ADNP2: variants seen among roughly 807,000 people sequenced by gnomAD.
ADNP2 encodes ADNP homeobox 2.
In ADNP2, 8 loss-of-function variants were observed where a neutral mutation model predicts 16.4. The observed-to-expected ratio is 0.49, with a 90% CI of 0.29 to 0.88. The LOEUF is 0.88. Among genes scored for constraint, ADNP2 ranks in the 40% least tolerant of loss-of-function variants. The pLI, the probability that ADNP2 is intolerant of heterozygous loss-of-function variation, is 0.09. For synonymous variants in ADNP2, 637 were observed against 545.8 expected, an observed-to-expected ratio of 1.17 and a Z score of -2.33; for missense variants, 1,397 against 1,395.1, an observed-to-expected ratio of 1.00 and a Z score of -0.02.
At position 80,138,496 on chromosome 18, in the gene ADNP2, G is replaced by A. The variant is rs1373162238; in HGVS notation, c.3083G>A (p.Gly1028Glu). The A allele has an allele frequency of 2.5e-6, 4 of 1,614,018 alleles. No homozygotes were observed. Among genetic ancestry groups the A allele is most frequent in the African/African-American group, 2.7e-5 (2 of 74,912 alleles). ...CAAAGGAATGAAAGCAGAACAGAGG[G>A]ACCTATTGTCAAGGACGAGGCTCTT... ...KRQRNESRTEGPIVKDEALQI... is the reference protein window; with the variant it reads ...KRQRNESRTEEPIVKDEALQI... The change falls in exon 4 of 4, where the codon GGA (glycine) becomes GAA (glutamate). Residue 1028 changes from glycine to glutamate, a missense_variant. By Grantham distance (98) the Gly-to-Glu change is moderately conservative (BLOSUM62 -2). This residue lies in a region of ADNP2 where 611 missense variants were observed against 648.7 expected (regional missense o/e 0.94). Transcript: ENST00000262198.
At chr18:80,123,012 T>C (rs954804610) in intron 2 of ADNP2, among the ~76,000 whole-genome samples, 2 of 152,038 alleles carry the variant, frequency 1.3e-5, no homozygotes, top group African/African-American at 4.8e-5. Flanking sequence ...ATTTTTTTTT[T>C]AATCATGAAA....
chr18:80,115,108 C>T (rs1156957856), intron 1 of ADNP2, among the ~76,000 whole-genome samples: 1 of 152,050 alleles, frequency 6.6e-6, no homozygotes, highest in African/African-American at 2.4e-5. Context: ...GTGTTAGGGC[C>T]GTATTGTAAG....
intron 2 of ADNP2, among the ~76,000 whole-genome samples, chr18:80,132,386 G>A (rs1009033008): frequency 3.3e-5 from 5 of 152,130 alleles, no homozygotes; most frequent in Non-Finnish European, 5.9e-5. Context: ...AGGTAAGTAG[G>A]AAGATGTGCA....
chr18:80,120,267 G>T (rs1362261254), intron 2 of ADNP2, among the ~76,000 whole-genome samples: 2 of 152,136 alleles, frequency 1.3e-5, no homozygotes, highest in Non-Finnish European at 2.9e-5. Flanking sequence ...AATCCCTTGA[G>T]CACAGGCTTT....
chr18:80,137,568 A>G lies in ADNP2; in HGVS notation c.2155A>G (p.Ser719Gly). 3.1e-6 allele frequency: 5 copies of G among 1,614,244 alleles called. No homozygotes were observed. Among genetic ancestry groups the G allele is most frequent in the Non-Finnish European group, 4.2e-6 (5 of 1,180,038 alleles). The change falls in exon 4 of 4, where the codon AGC (serine) becomes GGC (glycine). Residue 719 changes from serine (S) to glycine (G), a missense_variant. Ser to Gly is a moderately conservative substitution (Grantham distance 56, BLOSUM62 0). Coordinates refer to ENST00000262198, the MANE Select transcript of ADNP2 (RefSeq NM_014913.4). The surrounding 1 kb of genome is among the most constrained non-coding windows in gnomAD (Gnocchi z 4.2). ...QVHMEVAHKH[S>G]ESKSGEKLEP... ...CCACATGGAGGTAGCGCATAAGCAC[A>G]GCGAGTCCAAGTCTGGTGAGAAACT...
At chr18:80,127,346 T>TTTG (rs2052466582) in intron 2 of ADNP2, among the ~76,000 whole-genome samples, 1 of 150,006 alleles carries the variant, frequency 6.7e-6, no homozygotes, top group Non-Finnish European at 1.5e-5. Context: ...TCAGTTTTTT[T>TTTG]TTTTTTTTTT....
intron 2 of ADNP2, among the ~76,000 whole-genome samples, chr18:80,121,095 C>G (rs1197196380): frequency 2.0e-5 from 3 of 152,256 alleles, no homozygotes; most frequent in South Asian, 2.1e-4. Context: ...ACATTCCTAC[C>G]AGAAGTGTAC....
At chr18:80,134,267 G>A (rs149816340) in intron 3 of ADNP2, among the ~76,000 whole-genome samples, 5 of 152,126 alleles carry the variant, frequency 3.3e-5, no homozygotes, top group Non-Finnish European at 7.4e-5. Context: ...GCTGAGGCAG[G>A]AGAATCGCTT....
chr18:80,116,384 C>G (rs1599804675), intron 1 of ADNP2, among the ~76,000 whole-genome samples: 1 of 152,082 alleles, frequency 6.6e-6, no homozygotes, highest in South Asian at 2.1e-4. Flanking sequence ...ATGCTTTTCT[C>G]TTGAGTGGAA....
intron 2 of ADNP2, among the ~76,000 whole-genome samples, chr18:80,123,758 C>T (rs1307307910): frequency 6.7e-6 from 1 of 148,696 alleles, no homozygotes; most frequent in African/African-American, 2.5e-5. Flanking sequence ...GAGACAGAGT[C>T]TCGCTCTGTC....
rs754704869 is a variant in ADNP2 at position 80,137,030 on chromosome 18, T to A, written c.1617T>A (p.Asn539Lys). The A allele has an allele frequency of 1.2e-6, 2 of 1,614,154 alleles. No individual in the cohort carries two copies. The highest frequency in any genetic ancestry group is 1.7e-6 in the Non-Finnish European group (2 of 1,180,018). The change falls in exon 4 of 4, where the codon AAT becomes AAA. Residue 539 changes from asparagine to lysine, a missense_variant. Asn to Lys is a moderately conservative substitution (Grantham distance 94, BLOSUM62 0). Coordinates refer to ENST00000262198, the MANE Select transcript of ADNP2 (RefSeq NM_014913.4). The surrounding 1 kb of genome is among the most constrained non-coding windows in gnomAD (Gnocchi z 4.2). ...SAVVPVNQGV[N>K]SGVLQLSQPV... ...TTGTGCCTGTAAACCAGGGTGTGAA[T>A]TCTGGTGTTCTGCAGCTTAGTCAGC... is the stretch of plus-strand genomic sequence containing the variant.
At chr18:80,115,841 C>A (rs575290543) in intron 1 of ADNP2, among the ~76,000 whole-genome samples, 4 of 152,122 alleles carry the variant, frequency 2.6e-5, no homozygotes, top group African/African-American at 9.6e-5. Context: ...AGTGGCGCGA[C>A]CTCGGCTCAC....
Position 80,136,946 on chromosome 18 carries a change from A to C in ADNP2, c.1533A>C (p.Ala511=), listed in dbSNP as rs777000242. 3 of 1,613,752 alleles carry C rather than the reference A, an allele frequency of 1.9e-6. No individual in the cohort carries two copies. In the South Asian group the frequency reaches 3.3e-5, roughly 18 times the overall value. Residue 511 remains alanine (A), a synonymous_variant, in exon 4 of 4, where the codon GCA becomes GCC. Transcript: ENST00000262198. ...CAGCCCCATTGAGGGTTATCTCTGC[A>C]GGCCAGGTGGTCCCGTCTGGGCTTC... ...GQTAPLRVIS[A]GQVVPSGLLS... is the part of the protein sequence containing the mutation.
At chr18:80,121,441 A>G (rs2052424178) in intron 2 of ADNP2, among the ~76,000 whole-genome samples, 1 of 152,244 alleles carries the variant, frequency 6.6e-6, no homozygotes, top group Non-Finnish European at 1.5e-5. Flanking sequence ...TCTGGGTATT[A>G]AACCGTTATC....
chr18:80,135,870 A>G lies in ADNP2; in HGVS notation c.457A>G (p.Ile153Val), dbSNP rs763579878. The change falls in exon 4 of 4, where the codon ATA becomes GTA. Residue 153 changes from isoleucine to valine, a missense_variant. Physicochemically the swap from Ile to Val is conservative, Grantham distance 29. Transcript: ENST00000262198. Reference sequence around the variant, plus strand: ...AACTAAATCATCTAGGAGCGATGTGATAAGTTTCACATGTCTAAAATGTAA... The same window carrying G: ...AACTAAATCATCTAGGAGCGATGTGGTAAGTTTCACATGTCTAAAATGTAA... ...GETKSSRSDVISFTCLKCNFS... is the reference protein window; with the variant it reads ...GETKSSRSDVVSFTCLKCNFS... 1.2e-6 allele frequency: 2 copies of G among 1,614,128 alleles called. No individual in the cohort carries two copies. The highest frequency in any genetic ancestry group is 2.7e-5 in the African/African-American group (2 of 74,944).
At chr18:80,129,634 G>C (rs2052483530) in intron 2 of ADNP2, among the ~76,000 whole-genome samples, 1 of 152,072 alleles carries the variant, frequency 6.6e-6, no homozygotes, top group African/African-American at 2.4e-5. Flanking sequence ...GAAAGGCCCA[G>C]TTGATTCAAG....
rs1345900977 is a variant in ADNP2, at chr18:80,137,425, G to A, written c.2012G>A (p.Ser671Asn). Reference protein sequence around the residue: ...SPPVLVNAAQSVFVQASSSAA... With the variant: ...SPPVLVNAAQNVFVQASSSAA... ...CCAGTGCTGGTGAATGCTGCTCAGA[G>A]CGTGTTTGTTCAGGCCTCCTCCTCT... Residue 671 changes from serine (S) to asparagine (N), a missense_variant, in exon 4 of 4, where the codon AGC becomes AAC. Physicochemically the swap from Ser to Asn is conservative, Grantham distance 46. Coordinates refer to ENST00000262198, the MANE Select transcript of ADNP2 (RefSeq NM_014913.4). This position sits in a 1 kb window ranked among gnomAD's most constrained non-coding sequence, Gnocchi z 4.2. The A allele has an allele frequency of 6.2e-7, 1 of 1,614,120 alleles. No homozygotes were observed. The highest frequency in any genetic ancestry group is 1.3e-5 in the African/African-American group (1 of 74,944).
Position 80,138,602 on chromosome 18 carries a change from T to G in ADNP2, c.3189T>G (p.His1063Gln). 6.2e-7 allele frequency: 1 copy of G among 1,608,914 alleles called. No homozygotes were observed. The highest frequency in any genetic ancestry group is 8.5e-7 in the Non-Finnish European group (1 of 1,178,854). Reference protein sequence around the residue: ...EKKQFLKDYFHKKPYPSKKEI... With the variant: ...EKKQFLKDYFQKKPYPSKKEI... ...AGCAATTTCTTAAAGATTATTTCCA[T>G]AAGAAACCATATCCTAGTAAAAAGG... Residue 1063 changes from histidine (H) to glutamine (Q), a missense_variant, in exon 4 of 4, where the codon CAT (histidine) becomes CAG (glutamine). His to Gln is a conservative substitution (Grantham distance 24). This residue lies in a region of ADNP2 where 611 missense variants were observed against 648.7 expected (regional missense o/e 0.94). Transcript: ENST00000262198.
chr18:80,137,114 C>T lies in ADNP2; in HGVS notation c.1701C>T (p.Leu567=). ...CAGTGAGGCCTGGGGTCTTGCAACTCAACCAGACTGTGGGCACCAACATTC... is the reference window on the plus strand; with the variant it reads ...CAGTGAGGCCTGGGGTCTTGCAACTTAACCAGACTGTGGGCACCAACATTC... ...GQPVRPGVLQ[L]NQTVGTNILP... The change falls in exon 4 of 4, where the codon CTC becomes CTT. Residue 567 remains leucine, a synonymous_variant. Coordinates refer to ENST00000262198, the MANE Select transcript of ADNP2 (RefSeq NM_014913.4). The surrounding 1 kb of genome is among the most constrained non-coding windows in gnomAD (Gnocchi z 4.2). 2 of 1,614,214 alleles carry T rather than the reference C, an allele frequency of 1.2e-6. No individual in the cohort carries two copies. The highest frequency in any genetic ancestry group is 1.7e-6 in the Non-Finnish European group (2 of 1,180,046).
Sources: allele counts gnomAD v4.1 joint callset (sites outside exome capture counted in the v4.1 genomes callset), GRCh38; gene constraint gnomAD v4.1.1; regional missense constraint gnomAD v4.1.1; non-coding constraint Gnocchi (gnomAD v3.1); transcripts MANE v1.5; gene names NCBI Gene and HGNC (gene_info 2026-07-23, HGNC 2026-07-21).